Variants in WDR70 observed in about 807,000 individuals in gnomAD.
WDR70 encodes WD repeat-containing protein 70.
Under a neutral mutation model 88.6 loss-of-function variants are expected in WDR70, and 53 were observed. That is an observed-to-expected ratio of 0.60 (90% CI 0.48 to 0.75). The LOEUF (loss-of-function observed/expected upper bound fraction) is 0.75, where lower values mean the gene tolerates loss of function less well. WDR70 is among the 30% of genes least tolerant of loss of function. The probability of loss-of-function intolerance (pLI) is 0.00; values close to 1 mark genes in which losing one functional copy is unlikely to be tolerated. For synonymous variants in WDR70, 280 were observed against 270.0 expected, an observed-to-expected ratio of 1.04 and a Z score of -0.36; for missense variants, 610 against 823.2, an observed-to-expected ratio of 0.74 and a Z score of 3.17.
chr5:37,531,581 G>GTTT (rs1554147558), intron 9 of WDR70, among the ~76,000 whole-genome samples: 1 of 108,802 alleles, frequency 9.2e-6, no homozygotes, highest in Admixed American at 9.8e-5. Flanking sequence ...TTGCTTTAAA[G>GTTT]TTTTTCTTTT....
chr5:37,621,928 GT>G (rs1744515402), intron 10 of WDR70, among the ~76,000 whole-genome samples: 1 of 152,142 alleles, frequency 6.6e-6, no homozygotes, highest in Admixed American at 6.6e-5. Context: ...AAGGGATCCA[GT>G]TTCAGCTTTC....
At chr5:37,610,936 C>G (rs1046828807) in intron 10 of WDR70, among the ~76,000 whole-genome samples, 6 of 152,054 alleles carry the variant, frequency 3.9e-5, no homozygotes, top group Admixed American at 3.9e-4. Context: ...TTCTTACTTC[C>G]CAAAACAGTC....
chr5:37,380,679 G>A (rs1470333073), intron 2 of WDR70, among the ~76,000 whole-genome samples: 4 of 151,884 alleles, frequency 2.6e-5, no homozygotes, highest in African/African-American at 9.7e-5. Context: ...ATGGAGTCTC[G>A]CTCTGTCACC....
intron 9 of WDR70, among the ~76,000 whole-genome samples, chr5:37,575,551 TA>T (rs1297161488): frequency 1.3e-5 from 2 of 152,122 alleles, no homozygotes. Context: ...GAAGTCTCCA[TA>T]AAAAAATCTC....
intron 7 of WDR70, among the ~76,000 whole-genome samples, chr5:37,474,605 G>T (rs890625585): frequency 6.6e-6 from 1 of 152,024 alleles, no homozygotes; most frequent in Non-Finnish European, 1.5e-5. Flanking sequence ...ACATGTGCAG[G>T]ATGTGCAGGT....
intron 10 of WDR70, among the ~76,000 whole-genome samples, chr5:37,665,843 G>T (rs1174874940): frequency 6.6e-6 from 1 of 152,144 alleles, no homozygotes; most frequent in African/African-American, 2.4e-5. Flanking sequence ...CTTTGATAAG[G>T]TCAGCTCCAA....
chr5:37,661,370 T>G (rs1243392753), intron 10 of WDR70, among the ~76,000 whole-genome samples: 1 of 152,222 alleles, frequency 6.6e-6, no homozygotes, highest in Non-Finnish European at 1.5e-5. Flanking sequence ...CCTATGTCAG[T>G]GGCAGATAGT....
At chr5:37,689,781 C>G (rs1273823619) in intron 10 of WDR70, among the ~76,000 whole-genome samples, 1 of 152,224 alleles carries the variant, frequency 6.6e-6, no homozygotes, top group Admixed American at 6.5e-5. Context: ...GCTGAAAATT[C>G]TAAAAACCAG....
At chr5:37,687,662 A>G (rs1746651054) in intron 10 of WDR70, among the ~76,000 whole-genome samples, 1 of 152,226 alleles carries the variant, frequency 6.6e-6, no homozygotes, top group Non-Finnish European at 1.5e-5. Context: ...GCAAGACAAA[A>G]TCACCTGTAG....
intron 8 of WDR70, among the ~76,000 whole-genome samples, chr5:37,512,474 C>A (rs561286679): frequency 1.2e-3 from 175 of 152,152 alleles, no homozygotes; most frequent in Non-Finnish European, 2.1e-3. Flanking sequence ...CTGCCTTGGC[C>A]TCCCAAAGTG....
At chr5:37,598,271 G>A (rs1743759360) in intron 9 of WDR70, among the ~76,000 whole-genome samples, 1 of 152,120 alleles carries the variant, frequency 6.6e-6, no homozygotes, top group Admixed American at 6.5e-5. Flanking sequence ...AATACCAGAT[G>A]ATACTTTAGA....
intron 17 of WDR70, among the ~76,000 whole-genome samples, chr5:37,737,663 A>C (rs1748340319): frequency 6.6e-6 from 1 of 152,216 alleles, no homozygotes. Flanking sequence ...ATAAATGGGA[A>C]CTTATTAAGA....
At chr5:37,567,238 T>C (rs904418020) in intron 9 of WDR70, among the ~76,000 whole-genome samples, 1 of 152,190 alleles carries the variant, frequency 6.6e-6, no homozygotes, top group Non-Finnish European at 1.5e-5. Context: ...ACAACTTTTA[T>C]TGTGGTACAC....
intron 10 of WDR70, among the ~76,000 whole-genome samples, chr5:37,640,750 G>C (rs1475303123): frequency 6.6e-6 from 1 of 152,112 alleles, no homozygotes; most frequent in Non-Finnish European, 1.5e-5. Flanking sequence ...AAAGAAACAA[G>C]TTTGGCACTT....
intron 10 of WDR70, among the ~76,000 whole-genome samples, chr5:37,625,533 A>G (rs1744639546): frequency 6.6e-6 from 1 of 151,012 alleles, no homozygotes; most frequent in Non-Finnish European, 1.5e-5. Flanking sequence ...TTTTATTTTT[A>G]TTGTTTTTTG....
At chr5:37,601,738 C>T (rs1236028180) in intron 9 of WDR70, among the ~76,000 whole-genome samples, 2 of 151,912 alleles carry the variant, frequency 1.3e-5, no homozygotes, top group South Asian at 2.1e-4. Flanking sequence ...TTCCACACTG[C>T]CAACAATCTA....
chr5:37,527,571 G>A (rs1369674939), intron 9 of WDR70, among the ~76,000 whole-genome samples: 1 of 152,138 alleles, frequency 6.6e-6, no homozygotes. Flanking sequence ...ACATAGGCAT[G>A]GGCAAGGACT....
chr5:37,626,031 G>A (rs978000852), intron 10 of WDR70, among the ~76,000 whole-genome samples: 15 of 147,308 alleles, frequency 1.0e-4, no homozygotes, highest in East Asian at 7.8e-4. Flanking sequence ...TAGTAAAGTC[G>A]GTATGTTTTT....
intron 13 of WDR70, among the ~76,000 whole-genome samples, chr5:37,705,043 G>A (rs955661813): frequency 1.3e-5 from 2 of 152,104 alleles, no homozygotes; most frequent in African/African-American, 2.4e-5. Flanking sequence ...GTTCATTGAC[G>A]TAAAAATACA....
Sources: gnomAD v4.1 joint callset for allele counts (sites outside exome capture counted in the v4.1 genomes callset) on GRCh38, gnomAD v4.1.1 for gene constraint, MANE v1.5 for transcripts, NCBI Gene and HGNC (gene_info 2026-07-23, HGNC 2026-07-21) for gene names.